Variants in NKAIN2 observed in about 807,000 individuals in gnomAD.
NKAIN2 encodes the protein sodium/potassium transporting ATPase interacting 2, also known as sodium/potassium-transporting ATPase subunit beta-1-interacting protein 2.
NKAIN2 carries 14 observed loss-of-function variants against 32.6 expected under a neutral mutation model. The observed-to-expected ratio is 0.43, with a 90% CI of 0.28 to 0.67. NKAIN2 has a LOEUF of 0.67. Ranked by LOEUF, NKAIN2 falls within the 30% of genes least tolerant of loss-of-function variation. NKAIN2 has a pLI of 0.17. For missense variants in NKAIN2, 198 were observed against 258.3 expected (o/e 0.77, Z 1.60); for synonymous variants, 80 against 87.2 (o/e 0.92, Z 0.46).
chr6:124,432,039 CCTT>C (rs989563668), intron 3 of NKAIN2, among the ~76,000 whole-genome samples: 1 of 152,072 alleles, frequency 6.6e-6, no homozygotes, highest in Non-Finnish European at 1.5e-5. Context: ...TGTTAAACTC[CCTT>C]CTTAATTTGA....
In NKAIN2 at chr6:124,693,711, A is replaced by T. The variant is rs147533825; in HGVS notation, c.474+35325A>T. Among the ~76,000 whole-genome samples the T allele has an allele frequency of 1.2e-4, 18 of 152,262 alleles. 1 individual carries two copies. The highest frequency in any genetic ancestry group is 3.1e-4 in the African/African-American group (13 of 41,554). ...AAGGGCAGGCATTTCAATCAAACAC[A>T]GTTTGGCATTTGTGTGGCTGGAGCA... is the stretch of plus-strand genomic sequence containing the variant. On this transcript the variant is annotated intron_variant, in intron 4 of 6. Transcript: ENST00000368417.
intron 3 of NKAIN2, among the ~76,000 whole-genome samples, chr6:124,509,913 A>G (rs1348434787): frequency 6.6e-6 from 1 of 152,216 alleles, no homozygotes; most frequent in East Asian, 1.9e-4. Flanking sequence ...GAAGACCCAA[A>G]TAAATGGAGG....
At chr6:124,707,856 T>C (rs1163947697) in intron 4 of NKAIN2, among the ~76,000 whole-genome samples, 1 of 152,228 alleles carries the variant, frequency 6.6e-6, no homozygotes, top group Non-Finnish European at 1.5e-5. Flanking sequence ...TTAGATCCCA[T>C]CTGTGAATTT....
intron 1 of NKAIN2, among the ~76,000 whole-genome samples, chr6:124,239,239 C>A (rs142005503): frequency 0.011 from 1,650 of 152,132 alleles, 29 homozygotes; most frequent in South Asian, 0.04. Flanking sequence ...CAGGAGCAAC[C>A]AGATTCATAA....
At chr6:124,227,101 A>C (rs910001283) in intron 1 of NKAIN2, among the ~76,000 whole-genome samples, 1 of 139,936 alleles carries the variant, frequency 7.1e-6, no homozygotes, top group East Asian at 2.0e-4. Flanking sequence ...AAAAAAAAAG[A>C]AAAAGTTACT....
intron 3 of NKAIN2, among the ~76,000 whole-genome samples, chr6:124,417,735 A>G (rs1435398939): frequency 6.6e-6 from 1 of 152,156 alleles, no homozygotes; most frequent in Non-Finnish European, 1.5e-5. Context: ...AAAGTGAACA[A>G]TGCTGTTTCC....
chr6:123,901,775 T>C (rs1361691411), intron 1 of NKAIN2, among the ~76,000 whole-genome samples: 1 of 152,158 alleles, frequency 6.6e-6, no homozygotes, highest in Admixed American at 6.5e-5. Flanking sequence ...CAGACTGTTA[T>C]TGTAACTCAT....
chr6:123,859,970 C>T (rs1357897300), intron 1 of NKAIN2, among the ~76,000 whole-genome samples: 2 of 152,158 alleles, frequency 1.3e-5, no homozygotes, highest in Admixed American at 6.5e-5. Context: ...GGATTACAGT[C>T]GTAAGCCACC....
chr6:124,759,643 ACACACACACACACCCC>A (rs1778154460), intron 4 of NKAIN2, among the ~76,000 whole-genome samples: 1 of 90,610 alleles, frequency 1.1e-5, no homozygotes, highest in Non-Finnish European at 2.5e-5. Context: ...ACACACACAC[ACACACACACACACCCC>A]CTATCTCCCT....
intron 1 of NKAIN2, among the ~76,000 whole-genome samples, chr6:124,239,355 C>T (rs550175297): frequency 2.0e-5 from 3 of 152,028 alleles, no homozygotes; most frequent in East Asian, 1.9e-4. Context: ...AAATTAACAG[C>T]GATATTCGGG....
intron 1 of NKAIN2, among the ~76,000 whole-genome samples, chr6:124,098,118 C>T (rs1784720877): frequency 6.6e-6 from 1 of 152,060 alleles, no homozygotes; most frequent in South Asian, 2.1e-4. Flanking sequence ...AATATTTTGG[C>T]AAAGTAAGAA....
chr6:123,986,387 T>C (rs117985625), intron 1 of NKAIN2, among the ~76,000 whole-genome samples: 1 of 152,174 alleles, frequency 6.6e-6, no homozygotes, highest in African/African-American at 2.4e-5. Context: ...AAAACACTTA[T>C]CAGACTTTTT....
At position 124,534,927 on chromosome 6, in the gene NKAIN2, G is replaced by T. The variant is rs371081664; in HGVS notation, c.274-123259G>T. Among the ~76,000 whole-genome samples, 7 of 152,192 alleles carry T rather than the reference G, an allele frequency of 4.6e-5. No homozygotes were observed. The South Asian group carries it at 1.5e-3, about 32-fold the overall frequency. On this transcript the variant is annotated intron_variant, in intron 3 of 6. Transcript: ENST00000368417. Reference sequence around the variant, plus strand: ...AAATACAAAATCTATAAATGCTCAAGTCCCTTATATAAAATGGTATAGTAT... The same window carrying T: ...AAATACAAAATCTATAAATGCTCAATTCCCTTATATAAAATGGTATAGTAT...
chr6:124,563,097 G>C (rs1004328301), intron 3 of NKAIN2, among the ~76,000 whole-genome samples: 2 of 151,824 alleles, frequency 1.3e-5, no homozygotes, highest in Non-Finnish European at 2.9e-5. Context: ...GTAGAGACGG[G>C]GTTTCACTGT....
At chr6:124,200,848 G>T (rs181902693) in intron 1 of NKAIN2, among the ~76,000 whole-genome samples, 2 of 152,140 alleles carry the variant, frequency 1.3e-5, no homozygotes, top group East Asian at 1.9e-4. Flanking sequence ...TGTGCGGTTT[G>T]TATAGTAGGG....
intron 4 of NKAIN2, among the ~76,000 whole-genome samples, chr6:124,790,741 G>C (rs764463281): frequency 6.6e-6 from 1 of 151,974 alleles, no homozygotes; most frequent in African/African-American, 2.4e-5. Flanking sequence ...AAGACGATGC[G>C]ACGTGTGTAA....
At chr6:124,270,254 C>A (rs892562235) in intron 1 of NKAIN2, among the ~76,000 whole-genome samples, 1 of 152,050 alleles carries the variant, frequency 6.6e-6, no homozygotes, top group African/African-American at 2.4e-5. Flanking sequence ...ACGGAGAGGG[C>A]AGAACTATTG....
chr6:124,534,216 A>G (rs958387935), intron 3 of NKAIN2, among the ~76,000 whole-genome samples: 1 of 151,992 alleles, frequency 6.6e-6, no homozygotes, highest in Non-Finnish European at 1.5e-5. Flanking sequence ...CAGTGACACA[A>G]TTTTGGCTCA....
At chr6:124,323,121 TG>T (rs1282691218) in intron 2 of NKAIN2, among the ~76,000 whole-genome samples, 1 of 152,194 alleles carries the variant, frequency 6.6e-6, no homozygotes, top group Non-Finnish European at 1.5e-5. Flanking sequence ...TGAATTGTAT[TG>T]TCTGGTTTTA....
Sources: allele counts gnomAD v4.1 joint callset (sites outside exome capture counted in the v4.1 genomes callset), GRCh38; gene constraint gnomAD v4.1.1; transcripts MANE v1.5; gene names NCBI Gene and HGNC (gene_info 2026-07-23, HGNC 2026-07-21).